NSD1: variants seen among roughly 807,000 people sequenced by gnomAD.
NSD1 encodes nuclear receptor binding SET domain protein 1.
A neutral mutation model predicts 242.7 loss-of-function variants in NSD1; 26 were observed. The ratio of observed to expected loss-of-function variants is 0.11; its 90% CI spans 0.08 to 0.15. NSD1 has a LOEUF of 0.15. Among genes scored for constraint, NSD1 ranks in the 10% least tolerant of loss-of-function variants. NSD1 has a pLI of 1.00. For synonymous variants in NSD1, 1,106 were observed against 1,178.1 expected (o/e 0.94, Z 1.25); for missense variants, 2,495 against 3,272.8 (o/e 0.76, Z 5.80).
chr5:177,294,532 G>A lies in NSD1; in HGVS notation c.7164G>A (p.Pro2388=), dbSNP rs780619128. The stretch of plus-strand genomic sequence containing the variant: ...TTCCCACTGGCCTGAGACTTCCGCC[G>A]CCAGACAGACTGCTCATTACTAGCA... ...TSVPTGLRLP[P]PDRLLITSSP... Residue 2388 remains proline, a synonymous_variant, in exon 23 of 23, where the codon CCG becomes CCA. Transcript: ENST00000439151. 13 of 1,614,018 alleles carry A rather than the reference G, an allele frequency of 8.1e-6. No homozygotes were observed. Among genetic ancestry groups the A allele is most frequent in the South Asian group, 2.2e-5 (2 of 91,086 alleles).
At chr5:177,164,564 A>G (rs10223251) in intron 2 of NSD1, among the ~76,000 whole-genome samples, 4,857 of 152,280 alleles carry the variant, frequency 0.032, 229 homozygotes, top group African/African-American at 0.11. Context: ...AAGTAATAAA[A>G]TGTTCTTTCT....
chr5:177,194,519 G>C lies in NSD1; in HGVS notation c.1063+2500G>C, dbSNP rs193131902. Among the ~76,000 whole-genome samples, 314 of 146,148 alleles carry C rather than the reference G, an allele frequency of 2.1e-3. 2 individuals are homozygous for C. Among genetic ancestry groups the C allele is most frequent in the African/African-American group, 7.5e-3 (296 of 39,436 alleles). ...GGTCTTGAAATCCTGAGCTTAATAA[G>C]GGATCCTCCCACCTTGGCCTTCCGG... On this transcript the variant is annotated intron_variant, in intron 3 of 22. Coordinates refer to ENST00000439151, the MANE Select transcript of NSD1 (RefSeq NM_022455.5).
chr5:177,226,884 A>G (rs764324651), intron 5 of NSD1, among the ~76,000 whole-genome samples: 3 of 152,186 alleles, frequency 2.0e-5, no homozygotes, highest in East Asian at 1.9e-4. Flanking sequence ...GAATGAAGCT[A>G]TGTTTCAGAT....
At chr5:177,226,047 T>C (rs1323164850) in intron 5 of NSD1, among the ~76,000 whole-genome samples, 1 of 152,044 alleles carries the variant, frequency 6.6e-6, no homozygotes, top group Non-Finnish European at 1.5e-5. Flanking sequence ...TGTGCCATAG[T>C]TTTTCGTTTT....
intron 20 of NSD1, among the ~76,000 whole-genome samples, chr5:177,284,880 G>A (rs759851990): frequency 2.6e-5 from 4 of 152,148 alleles, no homozygotes; most frequent in African/African-American, 4.8e-5. Flanking sequence ...GCCAGAAATC[G>A]CTTGAGTTCA....
intron 12 of NSD1, among the ~76,000 whole-genome samples, chr5:177,253,211 A>G (rs1756149637): frequency 6.6e-6 from 1 of 152,192 alleles, no homozygotes; most frequent in East Asian, 1.9e-4. Flanking sequence ...AACTTCTTGA[A>G]GAAACTTGAC....
rs572980054 is a variant in NSD1 at position 177,191,884 on chromosome 5, T to C, written c.928T>C (p.Cys310Arg). 1.2e-6 allele frequency: 2 copies of C among 1,614,090 alleles called. No homozygotes were observed. The highest frequency in any genetic ancestry group is 2.2e-5 in the South Asian group (2 of 91,092). ...TGCCCCATGTTTTGTCTGTCTAAAGTGTCAACCTAAGAAAAAGTCTACGCC... is the reference window on the plus strand; with the variant it reads ...TGCCCCATGTTTTGTCTGTCTAAAGCGTCAACCTAAGAAAAAGTCTACGCC... ...SSSTSQELPFCQPKKKSTPLK... is the reference protein window; with the variant it reads ...SSSTSQELPFRQPKKKSTPLK... The change falls in exon 3 of 23, where the codon TGT becomes CGT. Residue 310 changes from cysteine (C) to arginine (R), a missense_variant and splice_region_variant. Physicochemically the swap from Cys to Arg is radical, Grantham distance 180. This residue lies in a region of NSD1 where 376 missense variants were observed against 367.4 expected (regional missense o/e 1.02). Coordinates refer to ENST00000439151, the MANE Select transcript of NSD1 (RefSeq NM_022455.5).
chr5:177,242,520 T>TATTTATTC (rs2149892932), intron 8 of NSD1, among the ~76,000 whole-genome samples: 1 of 150,824 alleles, frequency 6.6e-6, no homozygotes, highest in African/African-American at 2.4e-5. Flanking sequence ...CTTTATTATT[T>TATTTATTC]ATTTATTTAT....
intron 5 of NSD1, among the ~76,000 whole-genome samples, chr5:177,217,174 G>A (rs9313751): frequency 0.26 from 39,301 of 151,804 alleles, 6,399 homozygotes; most frequent in East Asian, 0.51. Context: ...TATATCTTCC[G>A]TAATTTCATC....
chr5:177,150,265 C>T (rs1757595480), intron 2 of NSD1, among the ~76,000 whole-genome samples: 1 of 152,024 alleles, frequency 6.6e-6, no homozygotes, highest in Admixed American at 6.6e-5. Flanking sequence ...TCCTGTGTAG[C>T]TGGGATTACA....
At chr5:177,138,431 T>C (rs1756531267) in intron 2 of NSD1, among the ~76,000 whole-genome samples, 1 of 152,004 alleles carries the variant, frequency 6.6e-6, no homozygotes, top group Non-Finnish European at 1.5e-5. Context: ...ACTTTTTGTA[T>C]TTTTATTAGA....
chr5:177,187,052 G>A (rs1390986587), intron 2 of NSD1, among the ~76,000 whole-genome samples: 1 of 149,138 alleles, frequency 6.7e-6, no homozygotes, highest in African/African-American at 2.5e-5. Context: ...GGTCTTTAGA[G>A]TTATTCAGAT....
intron 8 of NSD1, among the ~76,000 whole-genome samples, chr5:177,241,405 T>C (rs1375561738): frequency 6.6e-6 from 1 of 151,402 alleles, no homozygotes; most frequent in Non-Finnish European, 1.5e-5. Context: ...CTCAGGAGGC[T>C]GAGACAGGAG....
intron 14 of NSD1, 42 bp from the exon 15 acceptor site, chr5:177,267,520 G>A (rs761177406): frequency 6.4e-7 from 1 of 1,565,232 alleles, no homozygotes; most frequent in Non-Finnish European, 8.8e-7. Flanking sequence ...TACATGACTT[G>A]CAGTCTTGTG....
chr5:177,136,571 G>GTT (rs1756350670), intron 2 of NSD1, among the ~76,000 whole-genome samples: 1 of 151,644 alleles, frequency 6.6e-6, no homozygotes, highest in African/African-American at 2.4e-5. Context: ...TGAAGGTATA[G>GTT]CATCCTGTGC....
chr5:177,189,005 T>C lies in NSD1; in HGVS notation c.928-2879T>C, dbSNP rs183552135. Among the ~76,000 whole-genome samples the C allele has an allele frequency of 1.6e-3, 248 of 152,156 alleles. 2 individuals carry two copies. Among genetic ancestry groups the C allele is most frequent in the African/African-American group, 5.7e-3 (235 of 41,512 alleles). ...TTGCAGTGAGTGAAGATTGCACCAT[T>C]GCACTCCAGCCTGGGAGGCAGAGTG... is the stretch of plus-strand genomic sequence containing the variant. On this transcript the variant is annotated intron_variant, in intron 2 of 22. Transcript: ENST00000439151.
rs145116492 is a variant in NSD1 at position 177,170,362 on chromosome 5, T to G, written c.928-21522T>G. ...GTATGCATGATTTTATTTAATTTTT[T>G]TTTTTAGAGACGGAGTCTCGCTCTG... is the stretch of plus-strand genomic sequence containing the variant. On this transcript the variant is annotated intron_variant, in intron 2 of 22. Transcript: ENST00000439151. Among the ~76,000 whole-genome samples the G allele has an allele frequency of 3.4e-4, 52 of 151,726 alleles. No homozygotes were observed. In the East Asian group the frequency reaches 0.01, roughly 30 times the overall value.
intron 2 of NSD1, among the ~76,000 whole-genome samples, chr5:177,137,893 G>T (rs991554330): frequency 1.3e-5 from 2 of 152,016 alleles, no homozygotes; most frequent in Admixed American, 1.3e-4. Flanking sequence ...AGACCAGTCT[G>T]GCCAACATGG....
At chr5:177,251,151 T>A (rs1352739427) in intron 11 of NSD1, among the ~76,000 whole-genome samples, 2 of 151,822 alleles carry the variant, frequency 1.3e-5, no homozygotes, top group Non-Finnish European at 2.9e-5. Flanking sequence ...GATTGCGCCA[T>A]TGTACTCCAT....
Sources: allele counts gnomAD v4.1 joint callset (sites outside exome capture counted in the v4.1 genomes callset), GRCh38; gene constraint gnomAD v4.1.1; regional missense constraint gnomAD v4.1.1; transcripts MANE v1.5; gene names NCBI Gene and HGNC (gene_info 2026-07-23, HGNC 2026-07-21).